Variants in ROBO2 observed in about 807,000 individuals in gnomAD.
The protein encoded by ROBO2 is roundabout guidance receptor 2, also known as roundabout homolog 2.
ROBO2 carries 53 observed loss-of-function variants against 160.8 expected under a neutral mutation model. That is an observed-to-expected ratio of 0.33 (90% CI 0.26 to 0.41). The LOEUF (loss-of-function observed/expected upper bound fraction) is 0.41, where lower values mean the gene tolerates loss of function less well. Among genes scored for constraint, ROBO2 ranks in the 10% least tolerant of loss-of-function variants. ROBO2 has a pLI of 1.00. For missense variants in ROBO2, 1,577 were observed against 1,722.4 expected, an observed-to-expected ratio of 0.92 and a Z score of 1.49; for synonymous variants, 664 against 611.7, an observed-to-expected ratio of 1.09 and a Z score of -1.26.
intron 2 of ROBO2, among the ~76,000 whole-genome samples, chr3:76,713,741 T>C (rs189730559): frequency 6.6e-6 from 1 of 152,292 alleles, no homozygotes; most frequent in Non-Finnish European, 1.5e-5. Context: ...GGCATCTTTA[T>C]TCAACATTAA....
intron 6 of ROBO2, among the ~76,000 whole-genome samples, chr3:77,542,568 A>T: frequency 6.6e-6 from 1 of 152,192 alleles, no homozygotes; most frequent in Non-Finnish European, 1.5e-5. Flanking sequence ...AGATGCTGAC[A>T]GTTTTTTGTT....
intron 2 of ROBO2, among the ~76,000 whole-genome samples, chr3:77,309,079 T>G (rs1299630898): frequency 1.5e-5 from 2 of 137,404 alleles, no homozygotes; most frequent in Non-Finnish European, 3.2e-5. Flanking sequence ...TTTTTTTTTT[T>G]GCTTTATTTT....
intron 1 of ROBO2, among the ~76,000 whole-genome samples, chr3:77,097,362 T>A (rs2150068947): frequency 6.6e-6 from 1 of 152,320 alleles, no homozygotes; most frequent in South Asian, 2.1e-4. Flanking sequence ...CTTTTTTTCT[T>A]TCTGCCTATA....
intron 2 of ROBO2, among the ~76,000 whole-genome samples, chr3:76,053,679 G>T (rs2067732598): frequency 6.6e-6 from 1 of 151,966 alleles, no homozygotes; most frequent in East Asian, 1.9e-4. Context: ...GCTGCTTTTG[G>T]CATTAGATTT....
intron 2 of ROBO2, among the ~76,000 whole-genome samples, chr3:76,310,375 A>G (rs2107778810): frequency 6.6e-6 from 1 of 152,274 alleles, no homozygotes; most frequent in South Asian, 2.1e-4. Context: ...TATTTCCAAA[A>G]GTTTGCTTAT....
chr3:76,325,637 A>C (rs902400330), intron 2 of ROBO2, among the ~76,000 whole-genome samples: 7 of 152,088 alleles, frequency 4.6e-5, no homozygotes, highest in African/African-American at 1.7e-4. Context: ...GTGATGTTGA[A>C]TAAGTTTCTC....
intron 2 of ROBO2, among the ~76,000 whole-genome samples, chr3:76,738,694 A>G (rs1446992520): frequency 6.6e-6 from 1 of 152,200 alleles, no homozygotes; most frequent in Admixed American, 6.5e-5. Flanking sequence ...CTGGCAATAT[A>G]TATGAGAATG....
At chr3:77,549,464 C>A (rs142576539) in intron 7 of ROBO2, among the ~76,000 whole-genome samples, 11 of 151,942 alleles carry the variant, frequency 7.2e-5, no homozygotes, top group Admixed American at 7.2e-4. Context: ...AAATGTCTAG[C>A]CTTATATAAT....
intron 2 of ROBO2, among the ~76,000 whole-genome samples, chr3:76,696,373 A>G (rs1333983394): frequency 6.6e-5 from 8 of 121,526 alleles, no homozygotes; most frequent in African/African-American, 1.0e-4. Flanking sequence ...ACAATTTTAA[A>G]TGGATCTCTT....
At chr3:76,231,095 AT>A (rs1481397202) in intron 2 of ROBO2, among the ~76,000 whole-genome samples, 1 of 152,184 alleles carries the variant, frequency 6.6e-6, no homozygotes, top group Non-Finnish European at 1.5e-5. Flanking sequence ...GAACAATGAG[AT>A]GATGCATTTC....
intron 5 of ROBO2, among the ~76,000 whole-genome samples, chr3:77,497,445 C>T (rs892546015): frequency 6.6e-6 from 1 of 152,122 alleles, no homozygotes; most frequent in African/African-American, 2.4e-5. Flanking sequence ...GTGCCTACTA[C>T]ATTTGTAATG....
At chr3:75,943,779 G>A (rs1021101079) in intron 2 of ROBO2, among the ~76,000 whole-genome samples, 5 of 152,002 alleles carry the variant, frequency 3.3e-5, no homozygotes, top group African/African-American at 1.2e-4. Flanking sequence ...TTGGCTCACT[G>A]CAGCCTCCAC....
At chr3:77,200,274 TA>T (rs2082736672) in intron 2 of ROBO2, among the ~76,000 whole-genome samples, 1 of 20,124 alleles carries the variant, frequency 5.0e-5, no homozygotes, top group African/African-American at 3.6e-4. Context: ...ATTTTATATA[TA>T]TATATATATA....
chr3:76,312,646 T>G (rs2107794087), intron 2 of ROBO2, among the ~76,000 whole-genome samples: 1 of 152,258 alleles, frequency 6.6e-6, no homozygotes, highest in African/African-American at 2.4e-5. Context: ...CTGCAAGCAG[T>G]TATTTATGTT....
At chr3:76,842,003 T>C (rs913538516) in intron 2 of ROBO2, among the ~76,000 whole-genome samples, 2 of 152,176 alleles carry the variant, frequency 1.3e-5, no homozygotes, top group Non-Finnish European at 2.9e-5. Flanking sequence ...ACATGAGCAT[T>C]TGTGCAATTA....
rs148770942 is a variant in ROBO2, at chr3:76,703,625, G to C, written c.110-394389G>C. On this transcript the variant is annotated intron_variant, in intron 2 of 26. Transcript: ENST00000487694. ...GAGAACATCTGGTGTTTGGTTTTCT[G>C]TTCCTGTGTTAGTTTGCTGAGAATG... is the stretch of plus-strand genomic sequence containing the variant. 1.5e-3 allele frequency among the ~76,000 whole-genome samples: 226 copies of C among 151,946 alleles called. 1 individual carries two copies. Among genetic ancestry groups the C allele is most frequent in the African/African-American group, 5.1e-3 (210 of 41,432 alleles).
At position 77,558,089 on chromosome 3, in the gene ROBO2, G is replaced by A. The variant is rs753572304; in HGVS notation, c.1377G>A (p.Pro459=). 17 of 1,612,976 alleles carry A rather than the reference G, an allele frequency of 1.1e-5. No individual in the cohort carries two copies. The highest frequency in any genetic ancestry group is 3.3e-5 in the South Asian group (3 of 91,072). The change falls in exon 9 of 26, where the codon CCG becomes CCA. Residue 459 remains proline (P), a synonymous_variant. Transcript: ENST00000461745. ...GGTTAAAGGAGGGATTTACTTTTCC[G>A]GGTAGAGATCCAAGAGCAACAATTC...
At chr3:76,458,953 A>G (rs187505796) in intron 2 of ROBO2, among the ~76,000 whole-genome samples, 65 of 152,242 alleles carry the variant, frequency 4.3e-4, no homozygotes, top group Admixed American at 1.3e-3. Flanking sequence ...TTTGGGGGAG[A>G]CACAGCCAAA....
intron 2 of ROBO2, among the ~76,000 whole-genome samples, chr3:76,127,934 C>T (rs150120107): frequency 0.012 from 1,481 of 124,454 alleles, 27 homozygotes; most frequent in Middle Eastern, 0.048. Context: ...CCCACTCTGT[C>T]ACCCAGGCTG....
Sources: gnomAD v4.1 joint callset for allele counts (sites outside exome capture counted in the v4.1 genomes callset) on GRCh38, gnomAD v4.1.1 for gene constraint, MANE v1.5 for transcripts, NCBI Gene and HGNC (gene_info 2026-07-23, HGNC 2026-07-21) for gene names.